The following MRPL36 variants were observed in gnomAD, a reference collection of about 807,000 sequenced individuals.
MRPL36 encodes large ribosomal subunit protein bL36m.
In MRPL36, 1 loss-of-function variant was observed where a neutral mutation model predicts 2.8. That is an observed-to-expected ratio of 0.36 (90% CI 0.13 to 1.69). The LOEUF is 1.69. Ranked by LOEUF, MRPL36 falls within the 40% of genes most tolerant of loss-of-function variation. The pLI is 0.35. For synonymous variants in MRPL36, 68 were observed against 54.8 expected, an observed-to-expected ratio of 1.24 and a Z score of -1.06; for missense variants, 148 against 132.7, an observed-to-expected ratio of 1.12 and a Z score of -0.57.
chr5:1,799,040 A>G, intron 1 of MRPL36, 93 bp from the exon 2 acceptor site: 4 of 1,070,134 alleles, frequency 3.7e-6, no homozygotes, highest in Non-Finnish European at 5.4e-6. Flanking sequence ...GAGGCTTGGG[A>G]AGGCAGGGAC....
chr5:1,801,371 TAGCGCTA>T (rs953305916), upstream of MRPL36: 1 of 1,596,162 alleles, frequency 6.3e-7, no homozygotes, highest in African/African-American at 1.3e-5. Context: ...GCGCATGCGT[TAGCGCTA>T]AGCGGGACGT....
intron 1 of MRPL36, chr5:1,799,155 G>A: frequency 4.0e-6 from 2 of 502,100 alleles, no homozygotes; most frequent in African/African-American, 1.9e-5. Context: ...AGTGGACGGT[G>A]GCTTCCTTCC....
chr5:1,801,215 CA>C (rs1186781793), upstream of MRPL36: 7 of 729,348 alleles, frequency 9.6e-6, no homozygotes, highest in Non-Finnish European at 1.5e-5. Flanking sequence ...TCGGTGTAAT[CA>C]GGGGCATTTT....
At chr5:1,801,423 G>C (rs769602311), upstream of MRPL36, 6 of 1,605,272 alleles carry the variant, frequency 3.7e-6, no homozygotes, top group South Asian at 5.5e-5. Context: ...GCAAAATGGC[G>C]GCGGCGATGA....
rs984365527 is a variant in MRPL36 at position 1,798,785 on chromosome 5, G to C, written c.151C>G (p.Leu51Val). ...AVEPGAAVRS[L>V]LSPGLLPHLL... is the part of the protein sequence containing the mutation. ...TGGGGCAGGAGGCCGGGTGAGAGAA[G>C]TGAGCGCACTGCTGCCCCGGGTTCC... Residue 51 changes from leucine (L) to valine (V), a missense_variant, in exon 2 of 2, where the codon CTT becomes GTT. Coordinates refer to ENST00000505059, the MANE Select transcript of MRPL36 (RefSeq NM_032479.4). The C allele has an allele frequency of 6.2e-7, 1 of 1,614,118 alleles. No individual in the cohort carries two copies. The highest frequency in any genetic ancestry group is 8.5e-7 in the Non-Finnish European group (1 of 1,180,004).
chr5:1,800,378 C>G (rs1734000578), upstream of MRPL36, among the ~76,000 whole-genome samples: 1 of 152,214 alleles, frequency 6.6e-6, no homozygotes, highest in South Asian at 2.1e-4. Context: ...CATTCGCCTT[C>G]CTTTTTGTGT....
intron 1 of MRPL36, chr5:1,799,153 G>A (rs1473021608): frequency 2.0e-6 from 1 of 503,928 alleles, no homozygotes; most frequent in Non-Finnish European, 3.5e-6. Flanking sequence ...GCAGTGGACG[G>A]TGGCTTCCTT....
chr5:1,800,904 A>C (rs1734017870), upstream of MRPL36, among the ~76,000 whole-genome samples: 1 of 152,248 alleles, frequency 6.6e-6, no homozygotes, highest in Non-Finnish European at 1.5e-5. Flanking sequence ...ATGCACTTCC[A>C]GTCTCGTCTG....
At chr5:1,801,281 G>C (rs1303035217), upstream of MRPL36, 2 of 1,317,740 alleles carry the variant, frequency 1.5e-6, no homozygotes, top group Admixed American at 2.7e-5. Flanking sequence ...GAGCAGCTCC[G>C]GCGCACCCTC....
chr5:1,800,677 C>G (rs773533196), upstream of MRPL36, among the ~76,000 whole-genome samples: 1 of 152,224 alleles, frequency 6.6e-6, no homozygotes, highest in African/African-American at 2.4e-5. Context: ...ACGTGGTCCT[C>G]AGGCTCTGAC....
At chr5:1,799,869 T>TGGC (rs1478504887), upstream of MRPL36, 9 of 105,162 alleles carry the variant, frequency 8.6e-5, 1 homozygote, top group African/African-American at 3.4e-4. Context: ...GGAAGGAAGA[T>TGGC]GGCGGCGGGG....
intron 1 of MRPL36, chr5:1,799,214 T>C (rs1298248569): frequency 1.2e-5 from 4 of 331,214 alleles, no homozygotes; most frequent in Admixed American, 4.5e-5. Flanking sequence ...CCCTGCGATG[T>C]TGAGGAGCCG....
chr5:1,798,811 A>T lies in MRPL36; in HGVS notation c.125T>A (p.Val42Glu). The part of the protein sequence containing the change: ...GSIRGAAPVA[V>E]EPGAAVRSLL... ...TGAGCGCACTGCTGCCCCGGGTTCCACAGCCACGGGGGCTGCACCTCGAAT... is the reference window on the plus strand; with the variant it reads ...TGAGCGCACTGCTGCCCCGGGTTCCTCAGCCACGGGGGCTGCACCTCGAAT... Residue 42 changes from valine to glutamate, a missense_variant, in exon 2 of 2, where the codon GTG (valine) becomes GAG (glutamate). Physicochemically the swap from Val to Glu is moderately radical, Grantham distance 121 (BLOSUM62 -2). Coordinates refer to ENST00000505059, the MANE Select transcript of MRPL36 (RefSeq NM_032479.4). The T allele has an allele frequency of 6.2e-7, 1 of 1,614,142 alleles. No individual in the cohort carries two copies. Among genetic ancestry groups the T allele is most frequent in the Non-Finnish European group, 8.5e-7 (1 of 1,180,018 alleles).
upstream of MRPL36, chr5:1,800,029 A>C (rs1733990795): frequency 6.6e-6 from 1 of 152,208 alleles, no homozygotes; most frequent in Non-Finnish European, 1.5e-5. Flanking sequence ...GCTCTCGGGA[A>C]AAAAAATGCA....
rs1321917312 is a variant in MRPL36 at position 1,798,712 on chromosome 5, C to A, written c.224G>T (p.Arg75Leu). 6.2e-7 allele frequency: 1 copy of A among 1,613,916 alleles called. No individual in the cohort carries two copies. Among genetic ancestry groups the A allele is most frequent in the Non-Finnish European group, 8.5e-7 (1 of 1,179,876 alleles). The change falls in exon 2 of 2, where the codon CGC becomes CTC. Residue 75 changes from arginine to leucine, a missense_variant. Physicochemically the swap from Arg to Leu is moderately radical, Grantham distance 102. Coordinates refer to ENST00000505059, the MANE Select transcript of MRPL36 (RefSeq NM_032479.4). ...GFKNKTVLKK[R>L]CKDCYLVKRR... ...CTTCACCAGGTAACAGTCCTTGCAG[C>A]GCTTCTTAAGGACAGTCTTGTTTTT...
chr5:1,800,051 C>T (rs1733991413), upstream of MRPL36, among the ~76,000 whole-genome samples: 5 of 152,104 alleles, frequency 3.3e-5, no homozygotes. Context: ...AAACCAGGAA[C>T]GAAAATGGAT....
upstream of MRPL36, among the ~76,000 whole-genome samples, chr5:1,800,700 A>T (rs1040067501): frequency 2.0e-5 from 3 of 152,238 alleles, no homozygotes; most frequent in Admixed American, 6.5e-5. Context: ...CAGCAAAAGA[A>T]AAGCTGGATG....
At chr5:1,801,406 CA>C (rs1734034471), upstream of MRPL36, 1 of 1,605,104 alleles carries the variant, frequency 6.2e-7, no homozygotes, top group African/African-American at 1.3e-5. Flanking sequence ...GGTCAAAGGC[CA>C]GCGGCGCAAA....
At chr5:1,801,278 T>C (rs544303421), upstream of MRPL36, 3 of 1,286,228 alleles carry the variant, frequency 2.3e-6, no homozygotes, top group East Asian at 5.2e-5. Context: ...AGAGAGCAGC[T>C]CCGGCGCACC....
Sources: allele counts gnomAD v4.1 joint callset (sites outside exome capture counted in the v4.1 genomes callset), GRCh38; gene constraint gnomAD v4.1.1; transcripts MANE v1.5; gene names NCBI Gene and HGNC (gene_info 2026-07-23, HGNC 2026-07-21).